Variants in ZC3H7B observed in about 807,000 individuals in gnomAD.
ZC3H7B encodes the protein zinc finger CCCH-type containing 7B.
ZC3H7B carries 35 observed loss-of-function variants against 116.0 expected under a neutral mutation model. That is an observed-to-expected ratio of 0.30 (90% CI 0.23 to 0.40). The LOEUF (loss-of-function observed/expected upper bound fraction) is 0.40, where lower values mean the gene tolerates loss of function less well. Among genes scored for constraint, ZC3H7B ranks in the 10% least tolerant of loss-of-function variants. The pLI, the probability that ZC3H7B is intolerant of heterozygous loss-of-function variation, is 1.00. For synonymous variants in ZC3H7B, 502 were observed against 545.6 expected, an observed-to-expected ratio of 0.92 and a Z score of 1.11; for missense variants, 1,011 against 1,321.5, an observed-to-expected ratio of 0.77 and a Z score of 3.64.
At chr22:41,356,265 C>G (rs2036715822) in intron 20 of ZC3H7B, 78 bp from the exon 21 acceptor site, 2 of 1,591,596 alleles carry the variant, frequency 1.3e-6, no homozygotes, top group African/African-American at 2.7e-5. Context: ...CCCACGGCTC[C>G]CAAATCAAGT....
chr22:41,346,248 C>G lies in ZC3H7B; in HGVS notation c.1665+40C>G. 1 of 1,595,926 alleles carries G rather than the reference C, an allele frequency of 6.3e-7. No homozygotes were observed. Among genetic ancestry groups the G allele is most frequent in the South Asian group, 1.1e-5 (1 of 90,542 alleles). On this transcript the variant is annotated intron_variant, in intron 14 of 22. Transcript: ENST00000352645. The surrounding 1 kb of genome is among the most constrained non-coding windows in gnomAD (Gnocchi z 5.3). ...CCCACTGCCACCCCATAGGCCATGG[C>G]ACAGACAGGGCTGGGGATGCTCCCT...
chr22:41,341,697 C>T (rs373260682), intron 11 of ZC3H7B, among the ~76,000 whole-genome samples: 22 of 152,032 alleles, frequency 1.4e-4, no homozygotes, highest in Admixed American at 4.6e-4. Context: ...GAGCCGAGAT[C>T]GCGCCACTGC....
intron 1 of ZC3H7B, among the ~76,000 whole-genome samples, chr22:41,309,934 G>A (rs940943299): frequency 6.6e-6 from 1 of 152,056 alleles, no homozygotes; most frequent in Non-Finnish European, 1.5e-5. Context: ...GGCTGAGCAC[G>A]GTGGCTCATG....
At chr22:41,343,753 A>G (rs563282060) in intron 13 of ZC3H7B, among the ~76,000 whole-genome samples, 177 bp downstream of exon 13, 3 of 152,202 alleles carry the variant, frequency 2.0e-5, no homozygotes, top group Non-Finnish European at 4.4e-5. Context: ...CCACATCAGA[A>G]TGAGCGTCTT....
At chr22:41,304,225 T>G (rs2036011446) in intron 1 of ZC3H7B, among the ~76,000 whole-genome samples, 1 of 151,540 alleles carries the variant, frequency 6.6e-6, no homozygotes, top group African/African-American at 2.4e-5. Context: ...GTTTCTTTCT[T>G]TCTTTCTTTC....
chr22:41,351,550 A>G lies in ZC3H7B; in HGVS notation c.1949-11A>G, dbSNP rs1355358421. 1 of 1,609,584 alleles carries G rather than the reference A, an allele frequency of 6.2e-7. No homozygotes were observed. The highest frequency in any genetic ancestry group is 8.5e-7 in the Non-Finnish European group (1 of 1,178,264). ...TTGAAAGATGCCTGTGTCTGCCCCC[A>G]CCCTCCCCAGGCATGACCCACGAAG... On this transcript the variant is annotated splice_polypyrimidine_tract_variant and intron_variant, in intron 16 of 22. Transcript: ENST00000352645. This position sits in a 1 kb window ranked among gnomAD's most constrained non-coding sequence, Gnocchi z 5.1.
intron 4 of ZC3H7B, among the ~76,000 whole-genome samples, chr22:41,326,157 TGCCCTA>T (rs2036315247): frequency 6.6e-6 from 1 of 152,192 alleles, no homozygotes. Flanking sequence ...ATGATACTGA[TGCCCTA>T]GCCCTAGCCC....
intron 4 of ZC3H7B, 79 bp downstream of exon 4, chr22:41,325,997 C>T: frequency 6.7e-7 from 1 of 1,492,724 alleles, no homozygotes; most frequent in South Asian, 1.3e-5. Flanking sequence ...GCCCATACCC[C>T]AGTGAGCCTG....
At chr22:41,343,303 G>C in intron 12 of ZC3H7B, 112 bp from the exon 13 acceptor site, 1 of 1,373,506 alleles carries the variant, frequency 7.3e-7, no homozygotes, top group Non-Finnish European at 9.9e-7. Context: ...GCCCTCAGAG[G>C]GGAGGTAGGT....
In ZC3H7B at chr22:41,351,632, G is replaced by A. The variant is rs758739612; in HGVS notation, c.2020G>A (p.Ala674Thr). 1.9e-6 allele frequency: 3 copies of A among 1,613,898 alleles called. No homozygotes were observed. Among genetic ancestry groups the A allele is most frequent in the Non-Finnish European group, 2.5e-6 (3 of 1,179,916 alleles). ...GCAGATGGAGGCGCATGCGGGGAAG[G>A]CCAGCAGCAGCATGGTAAGGCCTTC... ...WQQMEAHAGK[A>T]SSSMGAPRTH... The change falls in exon 17 of 23, where the codon GCC (alanine) becomes ACC (threonine). Residue 674 changes from alanine (A) to threonine (T), a missense_variant. This residue lies in a region of ZC3H7B where 406 missense variants were observed against 590.2 expected (regional missense o/e 0.69). Coordinates refer to ENST00000352645, the MANE Select transcript of ZC3H7B (RefSeq NM_017590.6). This position sits in a 1 kb window ranked among gnomAD's most constrained non-coding sequence, Gnocchi z 5.1.
intron 1 of ZC3H7B, among the ~76,000 whole-genome samples, chr22:41,319,763 T>C (rs1193564642): frequency 6.6e-6 from 1 of 152,186 alleles, no homozygotes; most frequent in Non-Finnish European, 1.5e-5. Flanking sequence ...GCACAGTGGC[T>C]AACGCCTGTA....
chr22:41,335,376 T>C (rs2036431038), intron 7 of ZC3H7B: 1 of 152,092 alleles, frequency 6.6e-6, no homozygotes, highest in African/African-American at 2.4e-5. Flanking sequence ...TCCATAGACC[T>C]TTGTTGCCAA....
intron 13 of ZC3H7B, among the ~76,000 whole-genome samples, chr22:41,344,070 C>A (rs546210013): frequency 6.6e-6 from 1 of 152,344 alleles, no homozygotes; most frequent in South Asian, 2.1e-4. Flanking sequence ...TCCATCATGT[C>A]CCTGACTAGC....
At chr22:41,306,447 C>T (rs899409186) in intron 1 of ZC3H7B, among the ~76,000 whole-genome samples, 4 of 148,838 alleles carry the variant, frequency 2.7e-5, no homozygotes, top group Admixed American at 2.1e-4. Flanking sequence ...GATCTTGGCT[C>T]ACTGCAACCT....
At chr22:41,356,951 G>C in intron 22 of ZC3H7B, 143 bp downstream of exon 22, 1 of 1,367,164 alleles carries the variant, frequency 7.3e-7, no homozygotes, top group East Asian at 2.4e-5. Flanking sequence ...TGGGGGTGGT[G>C]GGGAAGGGTG....
At chr22:41,312,370 A>G (rs1426364486) in intron 1 of ZC3H7B, among the ~76,000 whole-genome samples, 1 of 151,858 alleles carries the variant, frequency 6.6e-6, no homozygotes, top group African/African-American at 2.4e-5. Context: ...TGGGAGGCTG[A>G]GGCTGCAATG....
intron 5 of ZC3H7B, among the ~76,000 whole-genome samples, chr22:41,328,654 C>T (rs192478578): frequency 6.6e-6 from 1 of 152,236 alleles, no homozygotes; most frequent in East Asian, 1.9e-4. Flanking sequence ...CTCACTCTTG[C>T]TTGGCACGTA....
intron 3 of ZC3H7B, 22 bp from the exon 4 acceptor site, chr22:41,325,699 C>A (rs1179145379): frequency 6.2e-7 from 1 of 1,609,652 alleles, no homozygotes; most frequent in Non-Finnish European, 8.5e-7. Context: ...CATGAGCCCC[C>A]TACACACCTT....
At chr22:41,335,586 A>T (rs1015236504) in intron 7 of ZC3H7B, 1 of 152,248 alleles carries the variant, frequency 6.6e-6, no homozygotes, top group African/African-American at 2.4e-5. Context: ...CAAAGACTTT[A>T]TGTACTTACC....
Sources: gnomAD v4.1 joint callset for allele counts (sites outside exome capture counted in the v4.1 genomes callset) on GRCh38, gnomAD v4.1.1 for gene constraint, gnomAD v4.1.1 regional missense constraint, Gnocchi (gnomAD v3.1) non-coding constraint, MANE v1.5 for transcripts, NCBI Gene and HGNC (gene_info 2026-07-23, HGNC 2026-07-21) for gene names.